The following CCSER1 variants were observed in gnomAD, a reference collection of about 807,000 sequenced individuals.
CCSER1 encodes the protein coiled-coil serine rich protein 1.
In CCSER1, 41 loss-of-function variants were observed where a neutral mutation model predicts 82.0. The observed-to-expected ratio is 0.50, with a 90% CI of 0.39 to 0.65. CCSER1 has a LOEUF of 0.65. Among genes scored for constraint, CCSER1 ranks in the 30% least tolerant of loss-of-function variants. The pLI is 0.00. For missense variants in CCSER1, 1,119 were observed against 1,064.2 expected (o/e 1.05, Z -0.72); for synonymous variants, 414 against 383.9 (o/e 1.08, Z -0.92).
intron 5 of CCSER1, among the ~76,000 whole-genome samples, chr4:90,504,828 A>T (rs1284758817): frequency 1.3e-5 from 2 of 152,302 alleles, no homozygotes; most frequent in East Asian, 3.9e-4. Context: ...TCCTAGAGAG[A>T]ATGCCAATTC....
intron 1 of CCSER1, among the ~76,000 whole-genome samples, chr4:90,272,474 A>G (rs1454458473): frequency 6.6e-6 from 1 of 152,186 alleles, no homozygotes; most frequent in Non-Finnish European, 1.5e-5. Context: ...GTAAATTAAT[A>G]CAACCACTAT....
chr4:91,523,467 AC>A (rs1375108682), intron 10 of CCSER1, among the ~76,000 whole-genome samples: 1 of 151,924 alleles, frequency 6.6e-6, no homozygotes, highest in Non-Finnish European at 1.5e-5. Context: ...TCCTCTTTGT[AC>A]CTCTGGTAGA....
chr4:91,325,103 AG>A (rs1306186244), intron 10 of CCSER1: 6 of 451,318 alleles, frequency 1.3e-5, no homozygotes, highest in Non-Finnish European at 2.7e-5. Flanking sequence ...CCCTTTACCA[AG>A]AGGGAGTACC....
At chr4:90,876,030 A>G (rs1459038890) in intron 8 of CCSER1, among the ~76,000 whole-genome samples, 1 of 152,162 alleles carries the variant, frequency 6.6e-6, no homozygotes, top group Non-Finnish European at 1.5e-5. Flanking sequence ...TACTTCTTTC[A>G]TTGTGGTAGC....
intron 7 of CCSER1, among the ~76,000 whole-genome samples, chr4:90,747,950 A>G (rs111998649): frequency 0.022 from 3,359 of 149,516 alleles, 126 homozygotes; most frequent in African/African-American, 0.076. Context: ...ATGATTTCCA[A>G]TTTCATCCAT....
At chr4:91,022,960 T>C (rs1028510711) in intron 9 of CCSER1, among the ~76,000 whole-genome samples, 3 of 152,336 alleles carry the variant, frequency 2.0e-5, no homozygotes, top group African/African-American at 7.2e-5. Flanking sequence ...TTCTGTAGGT[T>C]GCCTATTCAC....
intron 10 of CCSER1, among the ~76,000 whole-genome samples, chr4:91,486,625 A>T (rs1036507618): frequency 6.6e-6 from 1 of 152,170 alleles, no homozygotes; most frequent in Non-Finnish European, 1.5e-5. Flanking sequence ...AATAAAAAAC[A>T]CAAATTTAAA....
chr4:90,450,283 G>C (rs192018179), intron 4 of CCSER1, among the ~76,000 whole-genome samples: 2 of 152,188 alleles, frequency 1.3e-5, no homozygotes, highest in African/African-American at 4.8e-5. Flanking sequence ...TCTAGTGCTG[G>C]AGATAACACA....
chr4:91,114,893 C>T (rs1431449936), intron 10 of CCSER1, among the ~76,000 whole-genome samples: 1 of 152,032 alleles, frequency 6.6e-6, no homozygotes, highest in Non-Finnish European at 1.5e-5. Context: ...TAATTTTCTC[C>T]ACAGATTTTA....
At chr4:90,627,873 C>G in intron 5 of CCSER1, 152 bp from the exon 6 acceptor site, 1 of 634,040 alleles carries the variant, frequency 1.6e-6, no homozygotes. Context: ...GAGACTCCAT[C>G]TCAAAAAATA....
intron 10 of CCSER1, among the ~76,000 whole-genome samples, chr4:91,565,955 C>T (rs1762869244): frequency 6.6e-6 from 1 of 152,008 alleles, no homozygotes; most frequent in Admixed American, 6.6e-5. Context: ...AGAAGGCATG[C>T]TTGTCTTGTG....
chr4:91,140,936 G>C (rs1225359222), intron 10 of CCSER1, among the ~76,000 whole-genome samples: 1 of 151,986 alleles, frequency 6.6e-6, no homozygotes, highest in Non-Finnish European at 1.5e-5. Context: ...CATCCAATAG[G>C]TAGTTTCTCA....
intron 4 of CCSER1, among the ~76,000 whole-genome samples, chr4:90,422,411 A>G (rs148615000): frequency 2.4e-4 from 36 of 152,250 alleles, no homozygotes; most frequent in Admixed American, 2.2e-3. Context: ...TAGACAATAT[A>G]GAGAGACCCT....
chr4:91,514,140 T>A (rs567278406), intron 10 of CCSER1, among the ~76,000 whole-genome samples: 1 of 152,184 alleles, frequency 6.6e-6, no homozygotes, highest in Non-Finnish European at 1.5e-5. Context: ...ATCCCCTAGA[T>A]TTTGGTATGT....
chr4:91,553,535 G>T (rs1762260131), intron 10 of CCSER1, among the ~76,000 whole-genome samples: 2 of 150,044 alleles, frequency 1.3e-5, no homozygotes, highest in African/African-American at 4.9e-5. Flanking sequence ...TCTTCGTCGG[G>T]AGATATTTTA....
rs190211580 is a variant in CCSER1, at chr4:90,481,113, C to T, written c.1724+12759C>T. Among the ~76,000 whole-genome samples the T allele has an allele frequency of 4.0e-3, 606 of 152,174 alleles. 6 individuals carry two copies. The highest frequency in any genetic ancestry group is 0.014 in the African/African-American group (564 of 41,500). On this transcript the variant is annotated intron_variant, in intron 5 of 10. Coordinates refer to ENST00000509176, the MANE Select transcript of CCSER1 (RefSeq NM_001145065.2). The stretch of plus-strand genomic sequence containing the variant: ...CTTCACATCCCTTGTAAGTTGGATT[C>T]CTAGGTATTTTATTCTCATTGAAGC...
chr4:90,551,311 G>T (rs967929569), intron 5 of CCSER1, among the ~76,000 whole-genome samples: 10 of 152,022 alleles, frequency 6.6e-5, no homozygotes, highest in African/African-American at 2.4e-4. Flanking sequence ...TCTGGTACCT[G>T]CTTTTTACTC....
chr4:90,461,289 G>C (rs898462429), intron 4 of CCSER1, among the ~76,000 whole-genome samples: 1 of 117,486 alleles, frequency 8.5e-6, no homozygotes, highest in Admixed American at 7.4e-5. Flanking sequence ...GGATGGTCTC[G>C]ATCTCCTGAC....
chr4:91,022,005 T>A (rs940584496), intron 9 of CCSER1, among the ~76,000 whole-genome samples: 3 of 151,476 alleles, frequency 2.0e-5, no homozygotes, highest in African/African-American at 7.3e-5. Context: ...ATATTGAAAC[T>A]TTTTTTTTAT....
Sources: allele counts gnomAD v4.1 joint callset (sites outside exome capture counted in the v4.1 genomes callset), GRCh38; gene constraint gnomAD v4.1.1; transcripts MANE v1.5; gene names NCBI Gene and HGNC (gene_info 2026-07-23, HGNC 2026-07-21).